The following SGCD variants were observed in gnomAD, a reference collection of about 807,000 sequenced individuals.
The protein encoded by SGCD is delta-sarcoglycan.
Under a neutral mutation model 36.6 loss-of-function variants are expected in SGCD, and 18 were observed. The observed-to-expected ratio is 0.49, with a 90% CI of 0.34 to 0.73. The LOEUF is 0.73. Ranked by LOEUF, SGCD falls within the 30% of genes least tolerant of loss-of-function variation. The pLI, the probability that SGCD is intolerant of heterozygous loss-of-function variation, is 0.01. For synonymous variants in SGCD, 133 were observed against 130.6 expected (o/e 1.02, Z -0.12); for missense variants, 387 against 346.7 (o/e 1.12, Z -0.92).
intron 3 of SGCD, among the ~76,000 whole-genome samples, chr5:156,466,006 T>C (rs1754705747): frequency 6.6e-6 from 1 of 152,240 alleles, no homozygotes; most frequent in Admixed American, 6.5e-5. Context: ...AATATACTTA[T>C]TCCTTCCCCT....
chr5:156,716,595 G>A (rs1395124602), intron 7 of SGCD, among the ~76,000 whole-genome samples: 1 of 152,182 alleles, frequency 6.6e-6, no homozygotes, highest in Non-Finnish European at 1.5e-5. Flanking sequence ...CATAGTGCTA[G>A]GCATATAGTA....
At chr5:156,423,391 T>G (rs867753197) in intron 3 of SGCD, among the ~76,000 whole-genome samples, 1 of 59,508 alleles carries the variant, frequency 1.7e-5, no homozygotes, top group Non-Finnish European at 3.1e-5. Context: ...ATATAATATA[T>G]TATATTTTAT....
chr5:156,721,099 A>G (rs1243690806), intron 7 of SGCD, among the ~76,000 whole-genome samples: 1 of 152,230 alleles, frequency 6.6e-6, no homozygotes, highest in African/African-American at 2.4e-5. Flanking sequence ...CACAGCGGAA[A>G]CGGGGAAGGC....
intron 3 of SGCD, among the ~76,000 whole-genome samples, chr5:156,503,787 G>T (rs1288973236): frequency 6.6e-6 from 1 of 152,028 alleles, no homozygotes; most frequent in Non-Finnish European, 1.5e-5. Context: ...TAGTACATGA[G>T]GTATAGTGTA....
intron 1 of SGCD, among the ~76,000 whole-genome samples, chr5:155,905,082 A>G (rs1756472788): frequency 6.6e-6 from 1 of 152,168 alleles, no homozygotes; most frequent in Non-Finnish European, 1.5e-5. Context: ...GTTGCCCTCC[A>G]ACTTAAATGT....
chr5:156,477,997 T>TG (rs1755262451), intron 3 of SGCD, among the ~76,000 whole-genome samples: 1 of 150,092 alleles, frequency 6.7e-6, no homozygotes, highest in African/African-American at 2.5e-5. Context: ...ATGGAAGGAG[T>TG]GGGGAGGGGA....
intron 1 of SGCD, among the ~76,000 whole-genome samples, chr5:155,878,722 G>A (rs963704534): frequency 2.6e-5 from 4 of 152,010 alleles, no homozygotes; most frequent in Admixed American, 6.6e-5. Context: ...TCTGTCACAC[G>A]GTTGCCCAGA....
intron 1 of SGCD, among the ~76,000 whole-genome samples, chr5:156,070,390 A>T (rs1037633885): frequency 1.3e-5 from 2 of 149,474 alleles, no homozygotes. Context: ...TGAGATCATC[A>T]TGTGGTTTTT....
chr5:156,712,826 CCACT>C (rs1381809946), intron 7 of SGCD, among the ~76,000 whole-genome samples: 4 of 152,146 alleles, frequency 2.6e-5, no homozygotes, highest in Non-Finnish European at 5.9e-5. Context: ...GGCTTCCCAC[CCACT>C]GTCTATCAAT....
chr5:156,337,247 AT>A (rs1768401678), intron 2 of SGCD, among the ~76,000 whole-genome samples: 1 of 152,174 alleles, frequency 6.6e-6, no homozygotes, highest in Non-Finnish European at 1.5e-5. Context: ...TATGCCTCCT[AT>A]TTATATAAAC....
intron 3 of SGCD, among the ~76,000 whole-genome samples, chr5:156,125,448 T>C (rs1049488522): frequency 1.3e-5 from 2 of 151,974 alleles, no homozygotes; most frequent in African/African-American, 2.4e-5. Context: ...GCACTTTCTA[T>C]CTAGTATTCC....
intron 1 of SGCD, among the ~76,000 whole-genome samples, chr5:155,963,442 T>G (rs1757832586): frequency 6.6e-6 from 1 of 152,088 alleles, no homozygotes; most frequent in African/African-American, 2.4e-5. Flanking sequence ...TGAGTCTCTC[T>G]CAGTCTTCAT....
At chr5:156,754,341 T>G (rs1757261932) in intron 7 of SGCD, among the ~76,000 whole-genome samples, 1 of 152,226 alleles carries the variant, frequency 6.6e-6, no homozygotes, top group Admixed American at 6.5e-5. Context: ...CACTTTGAAC[T>G]CTATGTACCA....
In SGCD at chr5:156,374,149, C is replaced by CAA. The variant is rs34872468; in HGVS notation, c.192+29485_192+29486dup. 1.8e-3 allele frequency among the ~76,000 whole-genome samples: 251 copies of CAA among 140,708 alleles called. 1 individual carries two copies. The highest frequency in any genetic ancestry group is 7.2e-3 in the Middle Eastern group (2 of 276). The allele number at this position is 140,708 out of a possible 152,430, so 92.3% of individuals were successfully genotyped here. A position where few individuals can be genotyped will look rare whatever the true frequency, so the allele number is the denominator to read the frequency against. ...CAGAGCTAAGAAAATGTTCAAAATA[C>CAA]AAAAAAAAAAAAAATGCATGGCAAT... On this transcript the variant is annotated intron_variant, in intron 3 of 8. Transcript: ENST00000337851.
intron 1 of SGCD, among the ~76,000 whole-genome samples, chr5:155,907,304 G>A (rs776611982): frequency 1.3e-5 from 2 of 152,086 alleles, no homozygotes; most frequent in Admixed American, 6.6e-5. Flanking sequence ...ACAAGGAGAT[G>A]AGTGTTGCTT....
At chr5:156,229,300 A>ATATATATAT (rs1477607808) in intron 3 of SGCD, among the ~76,000 whole-genome samples, 23 of 126,068 alleles carry the variant, frequency 1.8e-4, no homozygotes, top group South Asian at 2.6e-4. Flanking sequence ...ATATATATAT[A>ATATATATAT]AAATTAGTTC....
chr5:156,185,022 G>A (rs1369741032), intron 3 of SGCD, among the ~76,000 whole-genome samples: 4 of 151,938 alleles, frequency 2.6e-5, no homozygotes, highest in Non-Finnish European at 5.9e-5. Flanking sequence ...ACCATTCAAG[G>A]AACAATGATT....
At chr5:155,791,604 A>G in the SGCD span, among the ~76,000 whole-genome samples, 2 of 152,212 alleles carry the variant, frequency 1.3e-5, no homozygotes, top group Non-Finnish European at 2.9e-5. Context: ...TAGCATTTCT[A>G]TACACCAATA....
At chr5:156,459,033 G>A (rs556641089) in intron 3 of SGCD, among the ~76,000 whole-genome samples, 8 of 152,070 alleles carry the variant, frequency 5.3e-5, no homozygotes, top group Non-Finnish European at 1.0e-4. Context: ...TCATTCAACA[G>A]AAACCATCTA....
Sources: gnomAD v4.1 joint callset for allele counts (sites outside exome capture counted in the v4.1 genomes callset) on GRCh38, gnomAD v4.1.1 for gene constraint, MANE v1.5 for transcripts, NCBI Gene and HGNC (gene_info 2026-07-23, HGNC 2026-07-21) for gene names.